The following UGT8 variants were observed in gnomAD, a reference collection of about 807,000 sequenced individuals.
UGT8 encodes UDP glycosyltransferase 8.
In UGT8, 12 loss-of-function variants were observed where a neutral mutation model predicts 40.5. That is an observed-to-expected ratio of 0.30 (90% confidence interval 0.19 to 0.48). UGT8 has a LOEUF of 0.48. UGT8 is among the 20% of genes least tolerant of loss of function. The pLI is 0.99. For synonymous variants in UGT8, 224 were observed against 240.4 expected, an observed-to-expected ratio of 0.93 and a Z score of 0.63; for missense variants, 513 against 648.7, an observed-to-expected ratio of 0.79 and a Z score of 2.27.
rs113496925 is a variant in UGT8, at chr4:114,676,641, A to G, written c.*353A>G. On this transcript the variant is annotated 3_prime_UTR_variant, in exon 6 of 6. Transcript: ENST00000310836. ...TTTTCTTAATAATGTGTGTGTGTGT[A>G]TGTGTGTGTGTGTGTGTGTGTGTTT... 5.7e-4 allele frequency: 102 copies of G among 179,202 alleles called. No individual in the cohort carries two copies. Among genetic ancestry groups the G allele is most frequent in the South Asian group, 2.4e-3 (20 of 8,248 alleles). 11.1% of individuals were successfully genotyped at this position (179,202 alleles called of 1,614,324 possible).
At chr4:114,671,974 C>A (rs1460049194) in intron 5 of UGT8, among the ~76,000 whole-genome samples, 1 of 152,070 alleles carries the variant, frequency 6.6e-6, no homozygotes, top group African/African-American at 2.4e-5. Flanking sequence ...AACATATTTA[C>A]AAGAAGTAAA....
chr4:114,645,502 C>T (rs1733515231), intron 2 of UGT8, among the ~76,000 whole-genome samples: 1 of 152,080 alleles, frequency 6.6e-6, no homozygotes, highest in South Asian at 2.1e-4. Flanking sequence ...TTTTTCATCA[C>T]GCCATATTAC....
chr4:114,669,055 TA>T (rs1735069823), intron 5 of UGT8, among the ~76,000 whole-genome samples: 1 of 152,190 alleles, frequency 6.6e-6, no homozygotes, highest in Non-Finnish European at 1.5e-5. Context: ...TTTTTATGCC[TA>T]GGGGATATGG....
chr4:114,653,221 A>G (rs902528192), intron 2 of UGT8, among the ~76,000 whole-genome samples: 1 of 152,148 alleles, frequency 6.6e-6, no homozygotes, highest in Non-Finnish European at 1.5e-5. Context: ...CCTTGAACAT[A>G]TATGCTATTC....
chr4:114,672,737 T>G (rs561309262), intron 5 of UGT8, among the ~76,000 whole-genome samples: 49 of 152,324 alleles, frequency 3.2e-4, no homozygotes, highest in African/African-American at 1.1e-3. Flanking sequence ...GGCACATGTA[T>G]ACCTATGTAA....
intron 5 of UGT8, among the ~76,000 whole-genome samples, chr4:114,673,034 A>G (rs1735398380): frequency 6.6e-6 from 1 of 152,194 alleles, no homozygotes; most frequent in South Asian, 2.1e-4. Flanking sequence ...ACCTGTGGTC[A>G]ACTTTTAATA....
chr4:114,621,920 T>G (rs1170332003), intron 1 of UGT8, among the ~76,000 whole-genome samples: 2 of 152,176 alleles, frequency 1.3e-5, no homozygotes, highest in Non-Finnish European at 2.9e-5. Flanking sequence ...GTGATTTTTT[T>G]TGTATGTTAG....
At chr4:114,644,331 C>A (rs550853806) in intron 2 of UGT8, among the ~76,000 whole-genome samples, 1 of 152,276 alleles carries the variant, frequency 6.6e-6, no homozygotes, top group South Asian at 2.1e-4. Context: ...TGCTGGCAGT[C>A]AGACCTACCT....
chr4:114,627,825 C>G (rs999055758), intron 2 of UGT8, among the ~76,000 whole-genome samples: 2 of 152,164 alleles, frequency 1.3e-5, no homozygotes, highest in African/African-American at 4.8e-5. Context: ...CCTAATAGCA[C>G]TTTAACTACT....
intron 1 of UGT8, among the ~76,000 whole-genome samples, chr4:114,599,974 A>G (rs1180417833): frequency 2.6e-5 from 4 of 152,148 alleles, no homozygotes; most frequent in Non-Finnish European, 5.9e-5. Flanking sequence ...GCACTTCCTT[A>G]GGAAAGGAAT....
intron 2 of UGT8, among the ~76,000 whole-genome samples, chr4:114,634,555 T>C (rs1436854063): frequency 1.3e-5 from 2 of 151,842 alleles, no homozygotes; most frequent in East Asian, 3.9e-4. Flanking sequence ...GTGAATTGGA[T>C]GTTTCCATGA....
intron 2 of UGT8, among the ~76,000 whole-genome samples, chr4:114,662,852 A>C (rs1479410927): frequency 8.7e-6 from 1 of 114,438 alleles, no homozygotes; most frequent in African/African-American, 3.5e-5. Flanking sequence ...TTGAGACAGA[A>C]TCTCACTCTG....
In UGT8 at chr4:114,604,487, T is replaced by A. The variant is rs1176320556; in HGVS notation, c.-3+5513T>A. Among the ~76,000 whole-genome samples, 14 of 149,526 alleles carry A rather than the reference T, an allele frequency of 9.4e-5. No individual in the cohort carries two copies. In the East Asian group the frequency reaches 2.7e-3, roughly 29 times the overall value. Reference sequence around the variant, plus strand: ...TTTTTTTTTTTCCCCCAATTAAGACTACTATGGTAATATTTAAATATACCT... The same window carrying A: ...TTTTTTTTTTTCCCCCAATTAAGACAACTATGGTAATATTTAAATATACCT... On this transcript the variant is annotated intron_variant, in intron 1 of 5. Coordinates refer to ENST00000310836, the MANE Select transcript of UGT8 (RefSeq NM_001128174.3).
chr4:114,617,934 T>C (rs111286612), intron 1 of UGT8, among the ~76,000 whole-genome samples: 2,239 of 152,270 alleles, frequency 0.015, 25 homozygotes, highest in Middle Eastern at 0.041. Context: ...TAGAAATCTT[T>C]GAAAATCCTG....
At chr4:114,620,650 A>T (rs1303115915) in intron 1 of UGT8, among the ~76,000 whole-genome samples, 1 of 152,168 alleles carries the variant, frequency 6.6e-6, no homozygotes, top group African/African-American at 2.4e-5. Flanking sequence ...ACTTTTACTT[A>T]TTCTTAATGG....
intron 1 of UGT8, among the ~76,000 whole-genome samples, chr4:114,614,666 C>T (rs11721330): frequency 0.87 from 132,103 of 151,782 alleles, 59,562 homozygotes; most frequent in East Asian, 1. Flanking sequence ...GCAGTTAAGC[C>T]GTGGGCTTCT....
At chr4:114,603,054 A>C (rs549808969) in intron 1 of UGT8, among the ~76,000 whole-genome samples, 120 of 152,216 alleles carry the variant, frequency 7.9e-4, no homozygotes, top group Middle Eastern at 6.8e-3. Context: ...GGGATGAAAA[A>C]AAGGGGTTTG....
At chr4:114,612,429 A>C (rs1014727589) in intron 1 of UGT8, among the ~76,000 whole-genome samples, 1 of 151,886 alleles carries the variant, frequency 6.6e-6, no homozygotes, top group African/African-American at 2.4e-5. Context: ...AGGCATCTCT[A>C]TTTTTCCAAA....
chr4:114,633,773 G>A (rs987076921), intron 2 of UGT8, among the ~76,000 whole-genome samples: 4 of 152,074 alleles, frequency 2.6e-5, no homozygotes, highest in Non-Finnish European at 4.4e-5. Flanking sequence ...GTGAAACCCC[G>A]TCTCTACTAA....
Sources: gnomAD v4.1 joint callset for allele counts (sites outside exome capture counted in the v4.1 genomes callset) on GRCh38, gnomAD v4.1.1 for gene constraint, MANE v1.5 for transcripts, NCBI Gene and HGNC (gene_info 2026-07-23, HGNC 2026-07-21) for gene names.